THSD7B: variants seen among roughly 807,000 people sequenced by gnomAD.
The protein encoded by THSD7B is thrombospondin type-1 domain-containing protein 7B.
THSD7B carries 138 observed loss-of-function variants against 213.6 expected under a neutral mutation model. The observed-to-expected ratio is 0.65, with a 90% CI of 0.56 to 0.74. The LOEUF (loss-of-function observed/expected upper bound fraction) is 0.74. Ranked by LOEUF, THSD7B falls within the 30% of genes least tolerant of loss-of-function variation. The probability of loss-of-function intolerance (pLI) is 0.00; values close to 1 mark genes in which losing one functional copy is unlikely to be tolerated. For synonymous variants in THSD7B, 742 were observed against 687.0 expected, an observed-to-expected ratio of 1.08 and a Z score of -1.25; for missense variants, 1,931 against 1,991.5, an observed-to-expected ratio of 0.97 and a Z score of 0.58.
At chr2:137,420,283 T>G (rs1020418498) in intron 14 of THSD7B, among the ~76,000 whole-genome samples, 14 of 152,072 alleles carry the variant, frequency 9.2e-5, no homozygotes, top group Non-Finnish European at 1.8e-4. Flanking sequence ...CTGGCAGGGG[T>G]CTTTTGCCTT....
At chr2:136,917,442 A>C (rs1193303929) in intron 2 of THSD7B, among the ~76,000 whole-genome samples, 1 of 152,144 alleles carries the variant, frequency 6.6e-6, no homozygotes, top group African/African-American at 2.4e-5. Flanking sequence ...TGTCTAATTG[A>C]GTCAGTGAGT....
chr2:136,993,453 A>C (rs1285006906), intron 2 of THSD7B, among the ~76,000 whole-genome samples: 1 of 152,234 alleles, frequency 6.6e-6, no homozygotes, highest in Non-Finnish European at 1.5e-5. Context: ...ACAAATAGTA[A>C]GTGACATTTA....
intron 10 of THSD7B, among the ~76,000 whole-genome samples, chr2:137,248,880 G>A (rs1446259369): frequency 6.6e-6 from 1 of 152,084 alleles, no homozygotes; most frequent in African/African-American, 2.4e-5. Flanking sequence ...CTTTTCCAAA[G>A]AGTTTTTTGA....
intron 10 of THSD7B, among the ~76,000 whole-genome samples, chr2:137,259,637 G>C (rs2105081189): frequency 6.6e-6 from 1 of 152,162 alleles, no homozygotes; most frequent in South Asian, 2.1e-4. Flanking sequence ...TATGTTGCCT[G>C]TTCAATCTGA....
chr2:137,139,683 C>T (rs1276304231), intron 5 of THSD7B, among the ~76,000 whole-genome samples: 5 of 152,124 alleles, frequency 3.3e-5, no homozygotes, highest in Non-Finnish European at 7.4e-5. Context: ...GCGATTCCTC[C>T]AGACTGCCTT....
intron 25 of THSD7B, among the ~76,000 whole-genome samples, chr2:137,661,743 T>A (rs1418844029): frequency 6.6e-6 from 1 of 152,162 alleles, no homozygotes; most frequent in Non-Finnish European, 1.5e-5. Context: ...TTTTATATGT[T>A]GGCATGCTTC....
At chr2:136,898,894 G>A (rs1302638258) in intron 2 of THSD7B, among the ~76,000 whole-genome samples, 2 of 151,950 alleles carry the variant, frequency 1.3e-5, no homozygotes, top group Non-Finnish European at 1.5e-5. Context: ...GCCCACCTCG[G>A]CCTCCCAAAG....
At chr2:137,617,953 C>G (rs749979416) in intron 18 of THSD7B, among the ~76,000 whole-genome samples, 20 of 152,148 alleles carry the variant, frequency 1.3e-4, no homozygotes, top group Non-Finnish European at 2.4e-4. Flanking sequence ...AATACCATCA[C>G]CTAGAGGGTT....
At chr2:137,263,176 C>T (rs920772480) in intron 10 of THSD7B, among the ~76,000 whole-genome samples, 7 of 151,836 alleles carry the variant, frequency 4.6e-5, no homozygotes, top group Admixed American at 1.3e-4. Context: ...TCCTGGATAG[C>T]GTATGCAGAT....
In THSD7B at chr2:137,450,863, G is replaced by A; in HGVS notation, c.2978G>A (p.Cys993Tyr). The A allele has an allele frequency of 1.2e-6, 2 of 1,606,258 alleles. No individual in the cohort carries two copies. The highest frequency in any genetic ancestry group is 1.7e-6 in the Non-Finnish European group (2 of 1,176,992). ...CTGTCAGGTTACATTCAAGAAAAATGTGTCATTCCCTGCCCATTTGATTGC... is the reference window on the plus strand; with the variant it reads ...CTGTCAGGTTACATTCAAGAAAAATATGTCATTCCCTGCCCATTTGATTGC... ...CSSSGYIQEK[C>Y]VIPCPFDCKL... Residue 993 changes from cysteine (C) to tyrosine (Y), a missense_variant, in exon 15 of 28, where the codon TGT (cysteine) becomes TAT (tyrosine). Cys to Tyr is a radical substitution (Grantham distance 194). Coordinates refer to ENST00000409968, the MANE Select transcript of THSD7B (RefSeq NM_001316349.2).
intron 3 of THSD7B, among the ~76,000 whole-genome samples, chr2:137,067,258 A>G (rs889321435): frequency 1.3e-5 from 2 of 152,088 alleles, no homozygotes; most frequent in African/African-American, 4.8e-5. Context: ...TGTTTTGTTG[A>G]AAGCTGGACA....
chr2:136,920,721 G>A (rs1025955949), intron 2 of THSD7B, among the ~76,000 whole-genome samples: 1 of 152,080 alleles, frequency 6.6e-6, no homozygotes, highest in African/African-American at 2.4e-5. Flanking sequence ...CATCCACAGT[G>A]CCCAGGCTGT....
intron 5 of THSD7B, among the ~76,000 whole-genome samples, chr2:137,132,414 T>A (rs902297404): frequency 6.6e-6 from 1 of 152,010 alleles, no homozygotes; most frequent in Non-Finnish European, 1.5e-5. Flanking sequence ...ATTTCGGGAA[T>A]GTTTATTTTT....
intron 12 of THSD7B, among the ~76,000 whole-genome samples, chr2:137,361,747 C>G (rs1420014875): frequency 6.6e-6 from 1 of 152,166 alleles, no homozygotes; most frequent in African/African-American, 2.4e-5. Context: ...AAGACCAAAT[C>G]TACGTTTGAT....
chr2:137,501,748 T>C (rs1679711578), intron 15 of THSD7B, among the ~76,000 whole-genome samples: 1 of 152,204 alleles, frequency 6.6e-6, no homozygotes, highest in Non-Finnish European at 1.5e-5. Flanking sequence ...TTGCCTATGA[T>C]TTACTAATCT....
chr2:137,351,038 A>G (rs899146786), intron 12 of THSD7B, among the ~76,000 whole-genome samples: 1 of 151,806 alleles, frequency 6.6e-6, no homozygotes, highest in Non-Finnish European at 1.5e-5. Flanking sequence ...TAAGTGGAAA[A>G]GTCAGGCTTC....
chr2:137,674,911 G>C (rs1573781873), intron 27 of THSD7B, among the ~76,000 whole-genome samples: 1 of 152,100 alleles, frequency 6.6e-6, no homozygotes, highest in Non-Finnish European at 1.5e-5. Context: ...TGTATGATTT[G>C]CTTCAAACAT....
At chr2:137,214,434 A>G (rs6758073) in intron 7 of THSD7B, among the ~76,000 whole-genome samples, 90,823 of 152,038 alleles carry the variant, frequency 0.6, 27,544 homozygotes, top group South Asian at 0.71. Flanking sequence ...AGAAAGGCAA[A>G]CATTTTTATT....
intron 27 of THSD7B, among the ~76,000 whole-genome samples, chr2:137,670,704 G>A (rs935988643): frequency 9.2e-5 from 14 of 152,084 alleles, no homozygotes; most frequent in South Asian, 2.1e-4. Flanking sequence ...GGCGGATCAC[G>A]AGGTCAGGAG....
Sources: allele counts gnomAD v4.1 joint callset (sites outside exome capture counted in the v4.1 genomes callset), GRCh38; gene constraint gnomAD v4.1.1; transcripts MANE v1.5; gene names NCBI Gene and HGNC (gene_info 2026-07-23, HGNC 2026-07-21).